The following MLLT10 variants were observed in gnomAD, a reference collection of about 807,000 sequenced individuals.
MLLT10 encodes protein AF-10.
MLLT10 carries 30 observed loss-of-function variants against 129.1 expected under a neutral mutation model. That is an observed-to-expected ratio of 0.23 (90% CI 0.17 to 0.32). The LOEUF is 0.32. Among genes scored for constraint, MLLT10 ranks in the 10% least tolerant of loss-of-function variants. The pLI is 1.00. For synonymous variants in MLLT10, 490 were observed against 446.4 expected, an observed-to-expected ratio of 1.10 and a Z score of -1.23; for missense variants, 1,119 against 1,268.3, an observed-to-expected ratio of 0.88 and a Z score of 1.79.
At chr10:21,558,530 T>A (rs141437508) in intron 3 of MLLT10, among the ~76,000 whole-genome samples, 1 of 151,584 alleles carries the variant, frequency 6.6e-6, no homozygotes, top group Non-Finnish European at 1.5e-5. Context: ...CTGAGCAAGT[T>A]TCTTCTTCTT....
intron 9 of MLLT10, chr10:21,669,199 T>C (rs1382247847): frequency 1.4e-6 from 1 of 732,630 alleles, no homozygotes; most frequent in African/African-American, 1.9e-5. Flanking sequence ...TTATGAAATA[T>C]TTCTTCTATT....
At chr10:21,599,857 T>A (rs1400164184) in intron 5 of MLLT10, among the ~76,000 whole-genome samples, 1 of 152,182 alleles carries the variant, frequency 6.6e-6, no homozygotes, top group Non-Finnish European at 1.5e-5. Flanking sequence ...CATGAGCCAC[T>A]ATATGGGCCC....
chr10:21,559,926 G>A (rs1232375517), intron 3 of MLLT10, among the ~76,000 whole-genome samples: 6 of 152,026 alleles, frequency 3.9e-5, no homozygotes, highest in African/African-American at 1.2e-4. Flanking sequence ...TGGTATTCTA[G>A]CATCTGTTTG....
At chr10:21,548,580 G>A (rs568022298) in intron 3 of MLLT10, among the ~76,000 whole-genome samples, 6 of 151,880 alleles carry the variant, frequency 4.0e-5, no homozygotes, top group Non-Finnish European at 7.4e-5. Flanking sequence ...CATGTGAGCC[G>A]AGATGGTCTT....
chr10:21,619,481 C>T (rs1267421770), intron 8 of MLLT10, among the ~76,000 whole-genome samples: 6 of 152,118 alleles, frequency 3.9e-5, no homozygotes, highest in Non-Finnish European at 7.4e-5. Context: ...GATGACTACA[C>T]GTATAGATCT....
rs1021923183 is a variant in MLLT10 at position 21,708,849 on chromosome 10, T to TA, written c.1700-4922dup. ...GTTACAACAGTGTACTTTCCTGACT[T>TA]ACAGATACATTTTTAATGAAAGCAT... On this transcript the variant is annotated intron_variant, in intron 13 of 22. Coordinates refer to ENST00000307729, the MANE Select transcript of MLLT10 (RefSeq NM_001195626.3). The TA allele has an allele frequency of 1.3e-5, 8 of 605,724 alleles. No homozygotes were observed. In the South Asian group the frequency reaches 2.2e-4, roughly 17 times the overall value. The allele number at this position is 605,724 out of a possible 1,614,324, so 37.5% of individuals were successfully genotyped here.
At chr10:21,537,290 TTC>T (rs1217803126) in intron 2 of MLLT10, among the ~76,000 whole-genome samples, 1 of 152,116 alleles carries the variant, frequency 6.6e-6, no homozygotes, top group Admixed American at 6.5e-5. Context: ...TGAATTTATA[TTC>T]TTTCTTTCTT....
intron 3 of MLLT10, among the ~76,000 whole-genome samples, chr10:21,574,090 C>T (rs1564436793): frequency 6.6e-6 from 1 of 152,120 alleles, no homozygotes; most frequent in Admixed American, 6.6e-5. Context: ...TTTGAAGGAA[C>T]TTATCAGTGA....
At chr10:21,550,707 T>A (rs1381430417) in intron 3 of MLLT10, among the ~76,000 whole-genome samples, 1 of 152,038 alleles carries the variant, frequency 6.6e-6, no homozygotes, top group Non-Finnish European at 1.5e-5. Flanking sequence ...AATTTTTGTA[T>A]TTTTAGTAGA....
chr10:21,594,834 C>CAA (rs558808825), intron 4 of MLLT10, among the ~76,000 whole-genome samples: 7 of 111,470 alleles, frequency 6.3e-5, no homozygotes, highest in Admixed American at 4.7e-4. Context: ...AACTCCATCT[C>CAA]AAAAAAAAAA....
At chr10:21,548,526 C>A (rs776422279) in intron 3 of MLLT10, among the ~76,000 whole-genome samples, 53 of 152,012 alleles carry the variant, frequency 3.5e-4, no homozygotes, top group Admixed American at 7.2e-4. Flanking sequence ...CCCGCCGCTA[C>A]GCCCGGCTAA....
At chr10:21,626,885 G>A (rs531424683) in intron 8 of MLLT10, among the ~76,000 whole-genome samples, 2 of 152,162 alleles carry the variant, frequency 1.3e-5, no homozygotes, top group Non-Finnish European at 1.5e-5. Context: ...GTCTTTTCAG[G>A]AACATCAGTT....
intron 21 of MLLT10, among the ~76,000 whole-genome samples, chr10:21,736,297 A>G (rs1471265418): frequency 1.3e-5 from 2 of 152,062 alleles, no homozygotes; most frequent in African/African-American, 2.4e-5. Context: ...ATATATGTAT[A>G]TTTTTGAGAG....
upstream of MLLT10, among the ~76,000 whole-genome samples, chr10:21,533,907 C>T (rs1000200763): frequency 6.6e-6 from 1 of 152,180 alleles, no homozygotes; most frequent in African/African-American, 2.4e-5. Context: ...GAGAAAACCC[C>T]TTCCCAGCCC....
rs753675286 is a variant in MLLT10, at chr10:21,657,846, A to G, written c.795+6078A>G. On this transcript the variant is annotated intron_variant, in intron 9 of 22. Coordinates refer to ENST00000307729, the MANE Select transcript of MLLT10 (RefSeq NM_001195626.3). ...TGATTTTTAAGACTTTCAGGAGAAA[A>G]TTTTTGGTAAAATAAGTTAATTTTT... is the stretch of plus-strand genomic sequence containing the variant. Among the ~76,000 whole-genome samples, 182 of 152,230 alleles carry G rather than the reference A, an allele frequency of 1.2e-3. 1 individual carries two copies. The highest frequency in any genetic ancestry group is 1.9e-3 in the Non-Finnish European group (128 of 67,994).
At chr10:21,583,408 C>A (rs1169711492) in intron 3 of MLLT10, among the ~76,000 whole-genome samples, 1 of 151,972 alleles carries the variant, frequency 6.6e-6, no homozygotes, top group African/African-American at 2.4e-5. Context: ...CAGAAAGGTG[C>A]TGCCAAAGAG....
intron 3 of MLLT10, among the ~76,000 whole-genome samples, chr10:21,576,068 A>G (rs1176136934): frequency 4.0e-5 from 6 of 151,852 alleles, no homozygotes; most frequent in African/African-American, 1.2e-4. Context: ...CTGGGACTAT[A>G]GGTGTGTGCC....
chr10:21,633,791 A>G (rs1397111936), intron 8 of MLLT10, among the ~76,000 whole-genome samples: 1 of 152,262 alleles, frequency 6.6e-6, no homozygotes, highest in Non-Finnish European at 1.5e-5. Flanking sequence ...GATTCTATAT[A>G]GCCACAATGT....
At chr10:21,738,321 C>G in intron 21 of MLLT10, 1 of 1,016,718 alleles carries the variant, frequency 9.8e-7, no homozygotes, top group Non-Finnish European at 1.3e-6. Flanking sequence ...TTTTTTCTTA[C>G]CAGTTGCCTC....
Sources: gnomAD v4.1 joint callset for allele counts (sites outside exome capture counted in the v4.1 genomes callset) on GRCh38, gnomAD v4.1.1 for gene constraint, MANE v1.5 for transcripts, NCBI Gene and HGNC (gene_info 2026-07-23, HGNC 2026-07-21) for gene names.